The following ADAM23 variants were observed in gnomAD, a reference collection of about 807,000 sequenced individuals.
ADAM23 encodes the protein disintegrin and metalloproteinase domain-containing protein 23.
In ADAM23, 33 loss-of-function variants were observed where a neutral mutation model predicts 120.1. The observed-to-expected ratio is 0.27, with a 90% CI of 0.21 to 0.37. The LOEUF is 0.37. Among genes scored for constraint, ADAM23 ranks in the 10% least tolerant of loss-of-function variants. ADAM23 has a pLI of 1.00. For synonymous variants in ADAM23, 367 were observed against 375.2 expected (o/e 0.98, Z 0.25); for missense variants, 862 against 1,058.2 (o/e 0.81, Z 2.57).
intron 18 of ADAM23, among the ~76,000 whole-genome samples, chr2:206,577,375 T>C (rs1478385451): frequency 4.9e-5 from 7 of 144,166 alleles, no homozygotes; most frequent in Non-Finnish European, 1.1e-4. Context: ...ACTCGTCATC[T>C]AGCATTAGGT....
chr2:206,609,524 T>C (rs991977648), intron 24 of ADAM23, among the ~76,000 whole-genome samples: 6 of 152,200 alleles, frequency 3.9e-5, no homozygotes, highest in African/African-American at 1.4e-4. Flanking sequence ...TGCCCCCATT[T>C]GTGAGTCAGA....
chr2:206,542,763 T>C (rs1341840287), intron 5 of ADAM23, among the ~76,000 whole-genome samples: 1 of 152,204 alleles, frequency 6.6e-6, no homozygotes, highest in Non-Finnish European at 1.5e-5. Context: ...TACTGCTTGA[T>C]GGCAGTTCAG....
chr2:206,485,136 A>T (rs1466409249), intron 3 of ADAM23, among the ~76,000 whole-genome samples: 1 of 152,218 alleles, frequency 6.6e-6, no homozygotes, highest in Non-Finnish European at 1.5e-5. Context: ...TCTGAGTGCA[A>T]CCTGAGTGTG....
rs1179807913 is a variant in ADAM23, at chr2:206,477,893, AAAAAATATATATAT to A, written c.433-3337_433-3324del. Among the ~76,000 whole-genome samples the A allele has an allele frequency of 6.2e-3, 628 of 101,456 alleles. 16 individuals carry two copies. The highest frequency in any genetic ancestry group is 0.027 in the African/African-American group (602 of 22,194). 66.6% of individuals were successfully genotyped at this position (101,456 alleles called of 152,430 possible). A position where few individuals can be genotyped will look rare whatever the true frequency, so the allele number is the denominator to read the frequency against. On this transcript the variant is annotated intron_variant, in intron 2 of 25. Transcript: ENST00000264377. ...CCAATATTCTGTTAAAAAAAAAAAA[AAAAAATATATATAT>A]ATATATATATATATAAAACAACAAT...
intron 18 of ADAM23, among the ~76,000 whole-genome samples, chr2:206,584,044 C>T (rs1559276708): frequency 6.6e-6 from 1 of 152,118 alleles, no homozygotes; most frequent in African/African-American, 2.4e-5. Flanking sequence ...TTTTGTCCCA[C>T]GGGTGTTCCC....
At chr2:206,597,663 A>T (rs1372853179) in intron 24 of ADAM23, among the ~76,000 whole-genome samples, 1 of 152,232 alleles carries the variant, frequency 6.6e-6, no homozygotes, top group South Asian at 2.1e-4. Flanking sequence ...ATATACAGGG[A>T]TGACGTTGTA....
chr2:206,599,190 G>T (rs1178312668), intron 24 of ADAM23, among the ~76,000 whole-genome samples: 1 of 148,556 alleles, frequency 6.7e-6, no homozygotes, highest in Non-Finnish European at 1.5e-5. Flanking sequence ...GGGTAACAGA[G>T]CGAGATTCCA....
At chr2:206,609,790 A>C in intron 24 of ADAM23, 120 bp from the exon 25 acceptor site, 1 of 748,978 alleles carries the variant, frequency 1.3e-6, no homozygotes, top group South Asian at 1.9e-5. Context: ...AAGGCAATTT[A>C]AATGTTTAGC....
rs576177451 is a variant in ADAM23, at chr2:206,583,523, A to G, written c.1738-3802A>G. On this transcript the variant is annotated intron_variant, in intron 18 of 25. Coordinates refer to ENST00000264377, the MANE Select transcript of ADAM23 (RefSeq NM_003812.4). ...TTATTCTTTGGTTTGATTGTTTAAC[A>G]TATCAAACCTTCTTGGAGGTTTTGT... 3.1e-3 allele frequency among the ~76,000 whole-genome samples: 476 copies of G among 151,332 alleles called. 1 individual carries two copies. The highest frequency in any genetic ancestry group is 6.2e-3 in the Non-Finnish European group (420 of 67,890).
chr2:206,480,434 A>T (rs1232994477), intron 2 of ADAM23, among the ~76,000 whole-genome samples: 2 of 151,236 alleles, frequency 1.3e-5, no homozygotes, highest in Non-Finnish European at 2.9e-5. Flanking sequence ...AAGGAAGTAC[A>T]GTGTAGGTGT....
At chr2:206,466,494 C>T (rs1695544464) in intron 2 of ADAM23, among the ~76,000 whole-genome samples, 1 of 152,150 alleles carries the variant, frequency 6.6e-6, no homozygotes, top group Non-Finnish European at 1.5e-5. Flanking sequence ...TAAACTCTAG[C>T]TCTATCAGAC....
intron 18 of ADAM23, among the ~76,000 whole-genome samples, chr2:206,578,478 T>TAGAATAATAGTCTCCACTCTC (rs1698161481): frequency 6.6e-6 from 1 of 152,148 alleles, no homozygotes; most frequent in South Asian, 2.1e-4. Context: ...TGACATCACT[T>TAGAATAATAGTCTCCACTCTC]AGAATAATAG....
intron 25 of ADAM23, among the ~76,000 whole-genome samples, chr2:206,612,662 G>A (rs184487122): frequency 4.6e-3 from 697 of 152,210 alleles, no homozygotes; most frequent in Middle Eastern, 0.02. Flanking sequence ...CATACTATAC[G>A]TGACCTGCCC....
intron 3 of ADAM23, among the ~76,000 whole-genome samples, chr2:206,521,769 G>C (rs138838313): frequency 1.9e-4 from 29 of 152,222 alleles, no homozygotes; most frequent in South Asian, 1.2e-3. Context: ...ATTGTTTTTT[G>C]TCTAGTCATT....
rs185367762 is a variant in ADAM23 at position 206,458,647 on chromosome 2, C to T, written c.432+13123C>T. Among the ~76,000 whole-genome samples, 750 of 152,276 alleles carry T rather than the reference C, an allele frequency of 4.9e-3. 2 individuals carry two copies. The highest frequency in any genetic ancestry group is 0.014 in the Middle Eastern group (4 of 294). ...CATTTTAGTGGGTTGTCAAGGTGAA[C>T]CATTTGCTTCTTGGAGCTAATTGTC... is the stretch of plus-strand genomic sequence containing the variant. On this transcript the variant is annotated intron_variant, in intron 2 of 25. Transcript: ENST00000264377.
At chr2:206,477,895 A>ATATATATATATATATAT (rs1553548627) in intron 2 of ADAM23, among the ~76,000 whole-genome samples, 108 of 101,994 alleles carry the variant, frequency 1.1e-3, no homozygotes, top group African/African-American at 1.6e-3. Context: ...AAAAAAAAAA[A>ATATATATATATATATAT]AAATATATAT....
chr2:206,542,026 A>G, intron 4 of ADAM23, 26 bp from the exon 5 acceptor site: 1 of 1,612,258 alleles, frequency 6.2e-7, no homozygotes, highest in Non-Finnish European at 8.5e-7. Flanking sequence ...ATAAAATACA[A>G]CCAATCAATG....
At chr2:206,491,766 C>G (rs1351674263) in intron 3 of ADAM23, among the ~76,000 whole-genome samples, 1 of 152,170 alleles carries the variant, frequency 6.6e-6, no homozygotes, top group Admixed American at 6.5e-5. Flanking sequence ...TTTTATCTCT[C>G]TAGAGATATA....
chr2:206,498,373 C>A (rs1018379899), intron 3 of ADAM23, among the ~76,000 whole-genome samples: 1 of 152,102 alleles, frequency 6.6e-6, no homozygotes, highest in African/African-American at 2.4e-5. Flanking sequence ...TGATCTTTGA[C>A]AAACCTGACA....
Sources: gnomAD v4.1 joint callset for allele counts (sites outside exome capture counted in the v4.1 genomes callset) on GRCh38, gnomAD v4.1.1 for gene constraint, MANE v1.5 for transcripts, NCBI Gene and HGNC (gene_info 2026-07-23, HGNC 2026-07-21) for gene names.